The following BOLL variants were observed in gnomAD, a reference collection of about 807,000 sequenced individuals.
BOLL encodes the protein boule RNA binding protein.
Under a neutral mutation model 44.4 loss-of-function variants are expected in BOLL, and 23 were observed. The ratio of observed to expected loss-of-function variants is 0.52; its 90% CI spans 0.37 to 0.73. BOLL has a LOEUF of 0.73. Ranked by LOEUF, BOLL falls within the 30% of genes least tolerant of loss-of-function variation. The probability of loss-of-function intolerance (pLI) is 0.00; values close to 1 mark genes in which losing one functional copy is unlikely to be tolerated. For synonymous variants in BOLL, 97 were observed against 110.8 expected (o/e 0.88, Z 0.78); for missense variants, 287 against 338.3 (o/e 0.85, Z 1.19).
chr2:197,767,209 C>T (rs991508762), intron 6 of BOLL, among the ~76,000 whole-genome samples: 3 of 151,786 alleles, frequency 2.0e-5, no homozygotes, highest in African/African-American at 7.3e-5. Context: ...AAAGAGTAAG[C>T]CCCAAAACAG....
At chr2:197,741,819 A>C (rs1457058884) in intron 10 of BOLL, among the ~76,000 whole-genome samples, 2 of 152,174 alleles carry the variant, frequency 1.3e-5, no homozygotes, top group Non-Finnish European at 2.9e-5. Context: ...AATGGGATCT[A>C]ATTAAACTAA....
intron 7 of BOLL, among the ~76,000 whole-genome samples, chr2:197,760,577 T>C (rs969584978): frequency 2.6e-5 from 4 of 152,208 alleles, no homozygotes; most frequent in Admixed American, 2.0e-4. Flanking sequence ...ACCATGTTCA[T>C]GTACACAGCC....
chr2:197,755,907 A>C (rs567316582), intron 9 of BOLL: 5 of 152,348 alleles, frequency 3.3e-5, no homozygotes, highest in Admixed American at 3.3e-4. Context: ...AATATAAAAT[A>C]AAAAATATAA....
intron 10 of BOLL, among the ~76,000 whole-genome samples, chr2:197,737,220 C>T (rs143714527): frequency 6.4e-4 from 97 of 152,184 alleles, no homozygotes; most frequent in African/African-American, 2.1e-3. Flanking sequence ...TACTATTCAT[C>T]CTTGCCTTCA....
At chr2:197,745,789 G>A (rs539784562) in intron 9 of BOLL, among the ~76,000 whole-genome samples, 2 of 152,310 alleles carry the variant, frequency 1.3e-5, no homozygotes, top group African/African-American at 4.8e-5. Context: ...TCAGTCATGA[G>A]AAAGGATGAC....
In BOLL at chr2:197,729,122, C is replaced by T. The variant is rs570880375; in HGVS notation, c.829-544G>A. Among the ~76,000 whole-genome samples the T allele has an allele frequency of 4.5e-4, 69 of 152,236 alleles. No individual in the cohort carries two copies. In the South Asian group the frequency reaches 0.014, roughly 31 times the overall value. On this transcript the variant is annotated intron_variant, in intron 10 of 10. Coordinates refer to ENST00000392296, the MANE Select transcript of BOLL (RefSeq NM_033030.6). ...GGCGCAGGTCAGTGGGTGCGTGCAC[C>T]GTGCGCAAGCTGAAGCAGGGCGAGG...
chr2:197,765,881 T>C (rs1688974752), intron 7 of BOLL, among the ~76,000 whole-genome samples: 1 of 151,566 alleles, frequency 6.6e-6, no homozygotes, highest in Admixed American at 6.6e-5. Flanking sequence ...GTGTCTACTG[T>C]TCCCTTCTTT....
At chr2:197,743,657 C>T (rs1687862347) in intron 9 of BOLL, among the ~76,000 whole-genome samples, 1 of 151,758 alleles carries the variant, frequency 6.6e-6, no homozygotes, top group Non-Finnish European at 1.5e-5. Flanking sequence ...ACAATGTGAG[C>T]TACATATGTT....
chr2:197,754,750 AACACACAC>A (rs142614771), intron 9 of BOLL, among the ~76,000 whole-genome samples: 29,750 of 149,870 alleles, frequency 0.2, 2,987 homozygotes, highest in East Asian at 0.27. Flanking sequence ...AAAACCCCAA[AACACACAC>A]ACACACACAC....
chr2:197,772,489 A>G (rs1689310210), intron 5 of BOLL, among the ~76,000 whole-genome samples: 1 of 151,894 alleles, frequency 6.6e-6, no homozygotes, highest in African/African-American at 2.4e-5. Context: ...CCACCCTACT[A>G]ATTCTTTGGA....
chr2:197,730,937 T>C (rs914886881), intron 10 of BOLL, among the ~76,000 whole-genome samples: 2 of 151,256 alleles, frequency 1.3e-5, no homozygotes, highest in African/African-American at 4.9e-5. Context: ...AACATCATAA[T>C]GACAGGATCA....
At position 197,739,305 on chromosome 2, in the gene BOLL, A is replaced by G. The variant is rs1464119629; in HGVS notation, c.828+3756T>C. Among the ~76,000 whole-genome samples, 53 of 152,164 alleles carry G rather than the reference A, an allele frequency of 3.5e-4. 1 individual carries two copies. The highest frequency in any genetic ancestry group is 3.5e-3 in the Admixed American group (53 of 15,258). On this transcript the variant is annotated intron_variant, in intron 10 of 10. Transcript: ENST00000392296. Reference sequence around the variant, plus strand: ...TATACATGGTTTCACTCTGTTGCCCAAACTAGAATGCAGTGGCGTGATCAT... The same window carrying G: ...TATACATGGTTTCACTCTGTTGCCCGAACTAGAATGCAGTGGCGTGATCAT...
chr2:197,755,790 G>C (rs368221244), intron 9 of BOLL: 1 of 152,120 alleles, frequency 6.6e-6, no homozygotes, highest in Non-Finnish European at 1.5e-5. Context: ...TGCATGCCAG[G>C]CTTAACACCT....
At chr2:197,746,120 T>A (rs562848531) in intron 9 of BOLL, among the ~76,000 whole-genome samples, 43 of 152,128 alleles carry the variant, frequency 2.8e-4, no homozygotes, top group Non-Finnish European at 5.1e-4. Flanking sequence ...ACCCCTGTGA[T>A]AAAAAGGGCT....
intron 10 of BOLL, among the ~76,000 whole-genome samples, chr2:197,734,730 G>A (rs1381568721): frequency 1.3e-5 from 2 of 152,110 alleles, no homozygotes; most frequent in Non-Finnish European, 1.5e-5. Flanking sequence ...AACACCGCAT[G>A]TTCTCACTCA....
intron 10 of BOLL, among the ~76,000 whole-genome samples, chr2:197,729,167 C>T (rs1289245853): frequency 9.2e-5 from 14 of 152,304 alleles, no homozygotes; most frequent in East Asian, 3.9e-4. Flanking sequence ...ACTTGGGAAG[C>T]GCAAGGGGTC....
rs539310339 is a variant in BOLL, at chr2:197,728,083, T to G, written c.*472A>C. The G allele has an allele frequency of 9.2e-5, 15 of 162,366 alleles. No individual in the cohort carries two copies. The highest frequency in any genetic ancestry group is 2.6e-4 in the African/African-American group (11 of 42,028). The allele number at this position is 162,366 out of a possible 1,614,324, so 10.1% of individuals were successfully genotyped here. On this transcript the variant is annotated 3_prime_UTR_variant, in exon 11 of 11. Coordinates refer to ENST00000392296, the MANE Select transcript of BOLL (RefSeq NM_033030.6). ...GCAAAAATAGAATTGTCATTAATATTAAATAGTATACTGTTGTAAAATATA... is the reference window on the plus strand; with the variant it reads ...GCAAAAATAGAATTGTCATTAATATGAAATAGTATACTGTTGTAAAATATA...
intron 9 of BOLL, among the ~76,000 whole-genome samples, chr2:197,749,145 C>A (rs1253617221): frequency 6.6e-6 from 1 of 152,178 alleles, no homozygotes; most frequent in Non-Finnish European, 1.5e-5. Flanking sequence ...AGCAGAGGGG[C>A]CTGACTCTTA....
intron 10 of BOLL, among the ~76,000 whole-genome samples, chr2:197,740,885 A>G (rs1438021525): frequency 6.6e-6 from 1 of 152,118 alleles, no homozygotes; most frequent in Non-Finnish European, 1.5e-5. Flanking sequence ...GTTGAAACAG[A>G]AAATTTTTAA....
Sources: gnomAD v4.1 joint callset for allele counts (sites outside exome capture counted in the v4.1 genomes callset) on GRCh38, gnomAD v4.1.1 for gene constraint, MANE v1.5 for transcripts, NCBI Gene and HGNC (gene_info 2026-07-23, HGNC 2026-07-21) for gene names.